Variants in BRF1 observed in about 807,000 individuals in gnomAD.
BRF1 encodes the protein transcription factor IIIB 90 kDa subunit.
A neutral mutation model predicts 81.7 loss-of-function variants in BRF1; 59 were observed. That is an observed-to-expected ratio of 0.72 (90% CI 0.59 to 0.90). The LOEUF (loss-of-function observed/expected upper bound fraction) is 0.90, where lower values mean the gene tolerates loss of function less well. Ranked by LOEUF, BRF1 falls within the 40% of genes least tolerant of loss-of-function variation. The pLI is 0.00. For synonymous variants in BRF1, 491 were observed against 395.6 expected, an observed-to-expected ratio of 1.24 and a Z score of -2.86; for missense variants, 1,050 against 936.3, an observed-to-expected ratio of 1.12 and a Z score of -1.58.
chr14:105,310,075 C>T (rs1216551958), intron 1 of BRF1, among the ~76,000 whole-genome samples: 1 of 151,852 alleles, frequency 6.6e-6, no homozygotes, highest in African/African-American at 2.4e-5. Flanking sequence ...TGAGCCACCG[C>T]ACCCAGCCAT....
At chr14:105,216,062 A>G (rs911577878) in intron 15 of BRF1, among the ~76,000 whole-genome samples, 1 of 143,106 alleles carries the variant, frequency 7.0e-6, no homozygotes, top group African/African-American at 2.7e-5. Context: ...AGACACAGGC[A>G]CACACACACA....
intron 16 of BRF1, chr14:105,211,598 G>C (rs587651425): frequency 2.1e-4 from 88 of 424,936 alleles, no homozygotes; most frequent in Middle Eastern, 1.3e-3. Flanking sequence ...ATAGGCCTCG[G>C]CCGAGGACAC....
chr14:105,215,591 C>T (rs1036496552), intron 15 of BRF1, among the ~76,000 whole-genome samples: 4 of 148,772 alleles, frequency 2.7e-5, no homozygotes, highest in Admixed American at 6.7e-5. Flanking sequence ...CAGACACAGG[C>T]GCACACACAC....
intron 5 of BRF1, chr14:105,247,382 G>A: frequency 1.0e-6 from 1 of 985,444 alleles, no homozygotes; most frequent in Non-Finnish European, 1.2e-6. Context: ...CCCCATTCCT[G>A]GGAGAAATGA....
intron 1 of BRF1, among the ~76,000 whole-genome samples, chr14:105,294,776 A>G (rs946831666): frequency 8.5e-5 from 13 of 152,236 alleles, no homozygotes; most frequent in African/African-American, 2.9e-4. Context: ...TGGACCCCGC[A>G]GATATCAAAA....
intron 3 of BRF1, among the ~76,000 whole-genome samples, chr14:105,259,494 T>C (rs2056047375): frequency 6.6e-6 from 1 of 152,200 alleles, no homozygotes; most frequent in African/African-American, 2.4e-5. Flanking sequence ...AAAATGTTCA[T>C]AGCAGCTTCA....
At position 105,226,307 on chromosome 14, in the gene BRF1, C is replaced by G. The variant is rs775912541; in HGVS notation, c.916-17G>C. The G allele has an allele frequency of 3.1e-6, 5 of 1,613,820 alleles. No individual in the cohort carries two copies. The African/African-American group carries it at 5.3e-5, about 17-fold the overall frequency. On this transcript the variant is annotated splice_polypyrimidine_tract_variant and intron_variant, in intron 8 of 17. Coordinates refer to ENST00000547530, the MANE Select transcript of BRF1 (RefSeq NM_001519.4). ...TTGTTCAAGCTGAAAGGGAACAGGGCAAGAGGCTTCGTGAAGGGAGGCCCT... is the reference window on the plus strand; with the variant it reads ...TTGTTCAAGCTGAAAGGGAACAGGGGAAGAGGCTTCGTGAAGGGAGGCCCT...
chr14:105,314,545 G>C (rs1425120085), intron 1 of BRF1: 3 of 146,678 alleles, frequency 2.0e-5, no homozygotes, highest in African/African-American at 7.4e-5. Flanking sequence ...GACGCCCCGT[G>C]AGGCGCCGCC....
Position 105,241,426 on chromosome 14 carries a change from A to T in BRF1, c.545-12T>A. The T allele has an allele frequency of 6.2e-7, 1 of 1,609,918 alleles. No individual in the cohort carries two copies. ...ATACAGGCACGGGTCTGCGGCAGAC[A>T]CAGCACCTCAGTGCCCACCTCCATG... On this transcript the variant is annotated splice_polypyrimidine_tract_variant and intron_variant, in intron 5 of 17. Transcript: ENST00000547530.
intron 1 of BRF1, among the ~76,000 whole-genome samples, chr14:105,292,265 C>T (rs1459098128): frequency 6.6e-6 from 1 of 152,156 alleles, no homozygotes; most frequent in Non-Finnish European, 1.5e-5. Context: ...CTCACTGCAA[C>T]CTCCACCTCC....
chr14:105,254,853 C>T lies in BRF1; in HGVS notation c.471+1665G>A, dbSNP rs184958724. Among the ~76,000 whole-genome samples the T allele has an allele frequency of 1.4e-3, 208 of 152,334 alleles. 1 individual carries two copies. The highest frequency in any genetic ancestry group is 4.8e-3 in the African/African-American group (201 of 41,568). ...CGGGGATTACAGGTGTGAGCCACCG[C>T]GCCCGGCCTAAATACATGCAGTTCT... is the stretch of plus-strand genomic sequence containing the variant. On this transcript the variant is annotated intron_variant, in intron 4 of 17. Transcript: ENST00000547530.
rs138486659 is a variant in BRF1, at chr14:105,274,051, G to A, written c.266-1157C>T. Among the ~76,000 whole-genome samples, 503 of 152,330 alleles carry A rather than the reference G, an allele frequency of 3.3e-3. 3 individuals carry two copies. Among genetic ancestry groups the A allele is most frequent in the East Asian group, 0.014 (75 of 5,188 alleles). ...TCAATTCTGAGATAGGAGAAAAACCGCCCTATGGCGGGAGATTAGACACGT... is the reference window on the plus strand; with the variant it reads ...TCAATTCTGAGATAGGAGAAAAACCACCCTATGGCGGGAGATTAGACACGT... On this transcript the variant is annotated intron_variant, in intron 2 of 17. Transcript: ENST00000547530.
chr14:105,256,531 C>T lies in BRF1; in HGVS notation c.458G>A (p.Ser153Asn), dbSNP rs765614268. ...GAGGCTGTCTACCTGGAGCAGGTCG[C>T]TGAGGTCCAGGAGCATGTCTGCAGC... Reference protein sequence around the residue: ...EGTPHMLLDLSDLLQVNVYVL... With the variant: ...EGTPHMLLDLNDLLQVNVYVL... The change falls in exon 4 of 18, where the codon AGC (serine) becomes AAC (asparagine). Residue 153 changes from serine (S) to asparagine (N), a missense_variant. Ser to Asn is a conservative substitution (Grantham distance 46). Coordinates refer to ENST00000547530, the MANE Select transcript of BRF1 (RefSeq NM_001519.4). The T allele has an allele frequency of 6.2e-7, 1 of 1,614,078 alleles. No individual in the cohort carries two copies. Among genetic ancestry groups the T allele is most frequent in the South Asian group, 1.1e-5 (1 of 91,078 alleles).
upstream of BRF1, among the ~76,000 whole-genome samples, chr14:105,305,528 G>A (rs2058162068): frequency 6.6e-6 from 1 of 152,218 alleles, no homozygotes; most frequent in African/African-American, 2.4e-5. Flanking sequence ...ACCAGACACG[G>A]CATCTGCCAG....
Position 105,221,759 on chromosome 14 carries a change from C to A in BRF1, c.1204G>T (p.Gly402Cys), listed in dbSNP as rs146262464. Residue 402 changes from glycine to cysteine, a missense_variant, in exon 11 of 18, where the codon GGC (glycine) becomes TGC (cysteine). Around this residue, in one of 2 missense-constraint regions of BRF1, gnomAD observed 1,043 missense variants for 915.4 expected, o/e 1.14. Coordinates refer to ENST00000547530, the MANE Select transcript of BRF1 (RefSeq NM_001519.4). Reference protein sequence around the residue: ...SSEAAGSPEWGGRPPALGSLL... With the variant: ...SSEAAGSPEWCGRPPALGSLL... ...GACCCCAGGGCCGGAGGTCTGCCGC[C>A]CCACTCGGGGCTTCCTGCTGCTTCC... The A allele has an allele frequency of 1.2e-5, 19 of 1,611,228 alleles. No individual in the cohort carries two copies. The highest frequency in any genetic ancestry group is 1.6e-5 in the Non-Finnish European group (19 of 1,179,606).
rs945195910 is a variant in BRF1, at chr14:105,210,765, T to C, written c.1997-177A>G. ...TCCTCTCCACCTCCCGGGACTGGCA[T>C]GCACCCAGAGCAGGGCCTTGCTCCT... On this transcript the variant is annotated intron_variant, in intron 17 of 17. Coordinates refer to ENST00000547530, the MANE Select transcript of BRF1 (RefSeq NM_001519.4). This position sits in a 1 kb window ranked among gnomAD's most constrained non-coding sequence, Gnocchi z 4.7. 6.6e-6 allele frequency among the ~76,000 whole-genome samples: 1 copy of C among 150,598 alleles called. No homozygotes were observed. The highest frequency in any genetic ancestry group is 2.4e-5 in the African/African-American group (1 of 41,008).
At chr14:105,225,659 T>TG (rs1216627155) in intron 10 of BRF1, among the ~76,000 whole-genome samples, 4 of 151,908 alleles carry the variant, frequency 2.6e-5, no homozygotes, top group African/African-American at 4.8e-5. Context: ...TCTTTTTTTT[T>TG]TTGTTTGAGA....
rs1001132986 is a variant in BRF1 at position 105,210,512 on chromosome 14, G to A, written c.*39C>T. Reference sequence around the variant, plus strand: ...CGTCTGATGCTGAGGAGACCCGCGAGGCCCCCTGCCAGGACATCACCTGCC... The same window carrying A: ...CGTCTGATGCTGAGGAGACCCGCGAAGCCCCCTGCCAGGACATCACCTGCC... On this transcript the variant is annotated 3_prime_UTR_variant, in exon 18 of 18. Coordinates refer to ENST00000547530, the MANE Select transcript of BRF1 (RefSeq NM_001519.4). This position sits in a 1 kb window ranked among gnomAD's most constrained non-coding sequence, Gnocchi z 4.7. The A allele has an allele frequency of 6.2e-7, 1 of 1,607,294 alleles. No homozygotes were observed. Among genetic ancestry groups the A allele is most frequent in the African/African-American group, 1.3e-5 (1 of 75,002 alleles).
chr14:105,226,588 C>A (rs770898768), intron 8 of BRF1, 46 bp downstream of exon 8: 3 of 1,609,850 alleles, frequency 1.9e-6, no homozygotes, highest in Middle Eastern at 1.7e-4. Context: ...GGCTTCCCCC[C>A]AAGGCTGGCA....
Sources: allele counts gnomAD v4.1 joint callset (sites outside exome capture counted in the v4.1 genomes callset), GRCh38; gene constraint gnomAD v4.1.1; regional missense constraint gnomAD v4.1.1; non-coding constraint Gnocchi (gnomAD v3.1); transcripts MANE v1.5; gene names NCBI Gene and HGNC (gene_info 2026-07-23, HGNC 2026-07-21).